Variants in TLCD3A observed in about 807,000 individuals in gnomAD.
TLCD3A encodes the protein TLC domain containing 3A.
In TLCD3A, 17 loss-of-function variants were observed where a neutral mutation model predicts 29.9. That is an observed-to-expected ratio of 0.57 (90% CI 0.39 to 0.85). TLCD3A has a LOEUF of 0.85. Among genes scored for constraint, TLCD3A ranks in the 40% least tolerant of loss-of-function variants. TLCD3A has a pLI of 0.00. For synonymous variants in TLCD3A, 143 were observed against 147.7 expected, an observed-to-expected ratio of 0.97 and a Z score of 0.23; for missense variants, 332 against 350.8, an observed-to-expected ratio of 0.95 and a Z score of 0.43.
intron 2 of TLCD3A, among the ~76,000 whole-genome samples, chr17:736,323 T>C (rs1482925208): frequency 6.6e-6 from 1 of 152,228 alleles, no homozygotes; most frequent in African/African-American, 2.4e-5. Flanking sequence ...GAAATGGTTT[T>C]CTACCTAATA....
intron 2 of TLCD3A, among the ~76,000 whole-genome samples, chr17:736,604 G>A (rs1289726478): frequency 2.6e-5 from 4 of 152,158 alleles, no homozygotes; most frequent in Non-Finnish European, 1.5e-5. Flanking sequence ...CCTAACCGCT[G>A]TAATGTGGCC....
rs141977343 is a variant in TLCD3A, at chr17:733,026, A to AGGGC, written c.123-71_123-68dup. ...CTGCGGCTGGGGAGAGTCAGGCCGA[A>AGGGC]GGGCCGGGCCGGGCTCCCTGCGGTC... is the stretch of plus-strand genomic sequence containing the variant. On this transcript the variant is annotated intron_variant, in intron 1 of 4. Transcript: ENST00000308278. 7 of 1,470,326 alleles carry AGGGC rather than the reference A, an allele frequency of 4.8e-6. No homozygotes were observed. The South Asian group carries it at 8.5e-5, about 18-fold the overall frequency. The allele number at this position is 1,470,326 out of a possible 1,614,324, so 91.1% of individuals were successfully genotyped here. A position where few individuals can be genotyped will look rare whatever the true frequency, so the allele number is the denominator to read the frequency against.
intron 4 of TLCD3A, 38 bp downstream of exon 4, chr17:740,638 T>C: frequency 6.4e-7 from 1 of 1,570,774 alleles, no homozygotes; most frequent in Non-Finnish European, 8.7e-7. Context: ...GTGAGGGTTC[T>C]GATTCAGGCA....
chr17:740,710 A>C, intron 4 of TLCD3A, 110 bp downstream of exon 4: 1 of 670,686 alleles, frequency 1.5e-6, no homozygotes, highest in South Asian at 2.2e-5. Context: ...AATGAATGGC[A>C]GAGAGAGTGA....
chr17:732,936 C>T (rs1418437508), intron 1 of TLCD3A, 162 bp from the exon 2 acceptor site: 4 of 1,356,050 alleles, frequency 2.9e-6, no homozygotes, highest in South Asian at 1.5e-5. Flanking sequence ...CCTCCCCTGG[C>T]GGGAGCGGGG....
intron 3 of TLCD3A, among the ~76,000 whole-genome samples, chr17:739,409 A>C (rs979674636): frequency 2.6e-5 from 4 of 152,098 alleles, no homozygotes; most frequent in Non-Finnish European, 5.9e-5. Context: ...GGCTGATTTC[A>C]AACTCCTGAC....
At position 733,133 on chromosome 17, in the gene TLCD3A, G is replaced by A. The variant is rs1336715606; in HGVS notation, c.158G>A (p.Gly53Asp). The stretch of plus-strand genomic sequence containing the variant: ...TCGGTGCACGCCGTGCTGGCCACCG[G>A]CTCGGGGATCGTCATCATTCGCTCC... ...VSSVHAVLAT[G>D]SGIVIIRSCD... Residue 53 changes from glycine (G) to aspartate (D), a missense_variant, in exon 2 of 5, where the codon GGC (glycine) becomes GAC (aspartate). Transcript: ENST00000308278. 1.3e-6 allele frequency: 2 copies of A among 1,590,270 alleles called. No homozygotes were observed. The highest frequency in any genetic ancestry group is 2.3e-5 in the South Asian group (2 of 87,674).
At chr17:735,693 G>A (rs1267162859) in intron 2 of TLCD3A, among the ~76,000 whole-genome samples, 1 of 151,968 alleles carries the variant, frequency 6.6e-6, no homozygotes, top group East Asian at 1.9e-4. Context: ...GGTCGGGTGC[G>A]GTGGCTCCTG....
At chr17:735,654 C>T (rs1974142836) in intron 2 of TLCD3A, among the ~76,000 whole-genome samples, 1 of 152,040 alleles carries the variant, frequency 6.6e-6, no homozygotes, top group Non-Finnish European at 1.5e-5. Context: ...ATAAGTATGG[C>T]ATCTTTTTGG....
chr17:733,673 A>C (rs1292309960), intron 2 of TLCD3A, among the ~76,000 whole-genome samples: 2 of 152,330 alleles, frequency 1.3e-5, no homozygotes, highest in East Asian at 1.9e-4. Context: ...TTGTACGTCT[A>C]TCAGAGGTCA....
At chr17:738,721 C>T (rs1177264958) in intron 3 of TLCD3A, among the ~76,000 whole-genome samples, 2 of 152,158 alleles carry the variant, frequency 1.3e-5, no homozygotes, top group East Asian at 3.9e-4. Flanking sequence ...CACAGGCACA[C>T]ACTACAACGT....
chr17:741,414 G>A lies in TLCD3A; in HGVS notation c.618G>A (p.Gln206=). ...FPFMYWSYGR[Q]QGLSLLQVPF... is the part of the protein sequence containing the mutation. ...TCATGTACTGGTCCTATGGCCGCCA[G>A]CAGGGACTAAGCCTGCTCCAAGTAC... is the stretch of plus-strand genomic sequence containing the variant. The change falls in exon 5 of 5, where the codon CAG becomes CAA. Residue 206 remains glutamine, a synonymous_variant. Transcript: ENST00000308278. 2.5e-6 allele frequency: 4 copies of A among 1,614,222 alleles called. No homozygotes were observed. The highest frequency in any genetic ancestry group is 3.4e-6 in the Non-Finnish European group (4 of 1,180,028).
chr17:736,678 C>T (rs1340070934), intron 2 of TLCD3A, among the ~76,000 whole-genome samples: 3 of 152,104 alleles, frequency 2.0e-5, no homozygotes, highest in South Asian at 2.1e-4. Context: ...TTTTTTGAGA[C>T]GGAGTCTCAC....
At chr17:735,479 T>A (rs796442183) in intron 2 of TLCD3A, among the ~76,000 whole-genome samples, 7 of 152,258 alleles carry the variant, frequency 4.6e-5, no homozygotes, top group African/African-American at 1.7e-4. Context: ...TACTCATGAG[T>A]CACAATTTCA....
rs1974233856 is a variant in TLCD3A at position 740,545 on chromosome 17, T to A, written c.449T>A (p.Ile150Asn). ...CTTGGGGACTTCTTTGTCGGCTGCA[T>A]CTTCACGGCAGAACTGAGCACTCCG... ...GDLGDFFVGC[I>N]FTAELSTPFV... The change falls in exon 4 of 5, where the codon ATC becomes AAC. Residue 150 changes from isoleucine to asparagine, a missense_variant. By Grantham distance (149) the Ile-to-Asn change is moderately radical. Coordinates refer to ENST00000308278, the MANE Select transcript of TLCD3A (RefSeq NM_024792.3). The A allele has an allele frequency of 6.2e-7, 1 of 1,614,014 alleles. No individual in the cohort carries two copies. The highest frequency in any genetic ancestry group is 1.7e-5 in the Admixed American group (1 of 60,002).
intron 3 of TLCD3A, among the ~76,000 whole-genome samples, chr17:739,331 G>A (rs1481829783): frequency 6.6e-6 from 1 of 152,126 alleles, no homozygotes; most frequent in Admixed American, 6.6e-5. Context: ...TGGGTTTACA[G>A]ATGCACGCCA....
rs566265070 is a variant in TLCD3A, at chr17:738,890, C to T, written c.408+843C>T. Reference sequence around the variant, plus strand: ...CCCCAACATTCTTTTTAACAAACCCCCAGCGCTCTGTGATTCCCTAGCGTT... The same window carrying T: ...CCCCAACATTCTTTTTAACAAACCCTCAGCGCTCTGTGATTCCCTAGCGTT... On this transcript the variant is annotated intron_variant, in intron 3 of 4. Transcript: ENST00000308278. Among the ~76,000 whole-genome samples the T allele has an allele frequency of 9.2e-5, 14 of 152,234 alleles. No individual in the cohort carries two copies. In the South Asian group the frequency reaches 2.9e-3, roughly 32 times the overall value.
chr17:735,850 C>G (rs1038340743), intron 2 of TLCD3A, among the ~76,000 whole-genome samples: 1 of 151,814 alleles, frequency 6.6e-6, no homozygotes, highest in African/African-American at 2.4e-5. Flanking sequence ...CGGCAGGTAC[C>G]TGTAATCCCA....
chr17:738,402 G>A (rs2244558), intron 3 of TLCD3A, among the ~76,000 whole-genome samples: 131,652 of 151,934 alleles, frequency 0.87, 57,293 homozygotes, highest in African/African-American at 0.95. Flanking sequence ...GGCCTGAGCT[G>A]GATGTCTTGA....
Sources: allele counts gnomAD v4.1 joint callset (sites outside exome capture counted in the v4.1 genomes callset), GRCh38; gene constraint gnomAD v4.1.1; transcripts MANE v1.5; gene names NCBI Gene and HGNC (gene_info 2026-07-23, HGNC 2026-07-21).